Variants in CYP46A1 observed in about 807,000 individuals in gnomAD.
CYP46A1 encodes cytochrome P450 family 46 subfamily A member 1, also known as cholesterol 24-hydroxylase.
Under a neutral mutation model 63.3 loss-of-function variants are expected in CYP46A1, and 20 were observed. The ratio of observed to expected loss-of-function variants is 0.32; its 90% CI spans 0.22 to 0.46. The LOEUF (loss-of-function observed/expected upper bound fraction) is 0.46, where lower values mean the gene tolerates loss of function less well. Ranked by LOEUF, CYP46A1 falls within the 20% of genes least tolerant of loss-of-function variation. The probability of loss-of-function intolerance (pLI) is 1.00; values close to 1 mark genes in which losing one functional copy is unlikely to be tolerated. For missense variants in CYP46A1, 445 were observed against 670.8 expected (o/e 0.66, Z 3.72); for synonymous variants, 268 against 273.6 (o/e 0.98, Z 0.20).
intron 4 of CYP46A1, 81 bp from the exon 5 acceptor site, chr14:99,699,934 C>CA: frequency 9.6e-7 from 1 of 1,039,986 alleles, no homozygotes; most frequent in Non-Finnish European, 1.4e-6. Context: ...TTCCTCATCC[C>CA]AAAATATGAC....
chr14:99,726,700 G>A lies in CYP46A1; in HGVS notation c.1476G>A (p.Gln492=). ...VLCTLRPRGW[Q]PAPPPPPC is the part of the protein sequence containing the mutation. ...GCACCCTGCGGCCCCGCGGCTGGCA[G>A]CCCGCACCCCCACCACCCCCCTGCT... Residue 492 remains glutamine (Q), a synonymous_variant, in exon 15 of 15, where the codon CAG becomes CAA. Transcript: ENST00000261835. 1 of 1,541,568 alleles carries A rather than the reference G, an allele frequency of 6.5e-7. No individual in the cohort carries two copies. Among genetic ancestry groups the A allele is most frequent in the Non-Finnish European group, 8.8e-7 (1 of 1,142,444 alleles).
chr14:99,691,625 C>T, intron 2 of CYP46A1, 155 bp from the exon 3 acceptor site: 2 of 672,832 alleles, frequency 3.0e-6, no homozygotes, highest in African/African-American at 1.8e-5. Flanking sequence ...CAGAGCCTTG[C>T]CCCCAGGGCT....
chr14:99,716,442 T>C (rs1055406714), intron 9 of CYP46A1, among the ~76,000 whole-genome samples: 1 of 152,166 alleles, frequency 6.6e-6, no homozygotes, highest in Non-Finnish European at 1.5e-5. Context: ...TCCAGAGAGC[T>C]TGGCTGTGTG....
Position 99,722,644 on chromosome 14 carries a change from CGTGTGTGTGTGTGTGT to C in CYP46A1, c.1176+598_1176+613del, listed in dbSNP as rs10600179. On this transcript the variant is annotated intron_variant, in intron 12 of 14. Coordinates refer to ENST00000261835, the MANE Select transcript of CYP46A1 (RefSeq NM_006668.2). The surrounding 1 kb of genome is among the most constrained non-coding windows in gnomAD (Gnocchi z 4.6). Reference sequence around the variant, plus strand: ...ATCTGAATTGTGTGTTTGCCATTCCCGTGTGTGTGTGTGTGTGTGTGTGTGTGTGTGTGTGCCTGTG... The same window carrying C: ...ATCTGAATTGTGTGTTTGCCATTCCCGTGTGTGTGTGTGTGTGTGCCTGTG... Among the ~76,000 whole-genome samples, 1 of 142,160 alleles carries C rather than the reference CGTGTGTGTGTGTGTGT, an allele frequency of 7.0e-6. No homozygotes were observed. The highest frequency in any genetic ancestry group is 2.6e-5 in the African/African-American group (1 of 39,128). The allele number at this position is 142,160 out of a possible 152,430, so 93.3% of individuals were successfully genotyped here.
chr14:99,687,988 T>TC (rs2056509544), intron 1 of CYP46A1, among the ~76,000 whole-genome samples: 2 of 148,126 alleles, frequency 1.4e-5, no homozygotes, highest in African/African-American at 5.0e-5. Flanking sequence ...AATGGGTTTT[T>TC]TTTCCCCTTT....
intron 5 of CYP46A1, chr14:99,703,638 C>A: frequency 1.0e-6 from 1 of 985,320 alleles, no homozygotes; most frequent in African/African-American, 1.7e-5. Context: ...TAAGATGTCA[C>A]CTACTGAGGC....
At chr14:99,685,310 T>TC (rs2056483878) in intron 1 of CYP46A1, among the ~76,000 whole-genome samples, 3 of 12,624 alleles carry the variant, frequency 2.4e-4, no homozygotes, top group Middle Eastern at 0.05. Flanking sequence ...AGCCTCCCCC[T>TC]CCCCCCGCCC....
At chr14:99,688,944 G>T (rs2056519913) in intron 1 of CYP46A1, among the ~76,000 whole-genome samples, 1 of 152,106 alleles carries the variant, frequency 6.6e-6, no homozygotes, top group Non-Finnish European at 1.5e-5. Context: ...CAACTCTCCT[G>T]GCTCTCTTCC....
chr14:99,700,021 C>G lies in CYP46A1; in HGVS notation c.363C>G (p.Phe121Leu). The G allele has an allele frequency of 6.7e-7, 1 of 1,486,740 alleles. No homozygotes were observed. The highest frequency in any genetic ancestry group is 9.1e-7 in the Non-Finnish European group (1 of 1,100,922). 92.1% of individuals were successfully genotyped at this position (1,486,740 alleles called of 1,614,324 possible). Residue 121 changes from phenylalanine (F) to leucine (L), a missense_variant, in exon 5 of 15, where the codon TTC becomes TTG. Phe to Leu is a conservative substitution (Grantham distance 22). Transcript: ENST00000261835. Reference protein sequence around the residue: ...ALQTVFGERLFGQGLVSECNY... With the variant: ...ALQTVFGERLLGQGLVSECNY... Reference sequence around the variant, plus strand: ...ACGTGTGTGTCTCCTACAGACTCTTCGGCCAAGGCTTGGTGTCCGAATGCA... The same window carrying G: ...ACGTGTGTGTCTCCTACAGACTCTTGGGCCAAGGCTTGGTGTCCGAATGCA...
intron 2 of CYP46A1, 111 bp from the exon 3 acceptor site, chr14:99,691,669 T>C: frequency 1.0e-6 from 1 of 974,294 alleles, no homozygotes; most frequent in Non-Finnish European, 1.6e-6. Flanking sequence ...TTTGGTAGCA[T>C]GCATTGAGCA....
At chr14:99,720,748 G>A (rs1190271490) in intron 10 of CYP46A1, among the ~76,000 whole-genome samples, 1 of 152,096 alleles carries the variant, frequency 6.6e-6, no homozygotes, top group African/African-American at 2.4e-5. Flanking sequence ...AGTTCCCAGT[G>A]GTTTGGGCAC....
At chr14:99,714,760 CAA>C (rs35534717) in intron 7 of CYP46A1, among the ~76,000 whole-genome samples, 12 of 102,142 alleles carry the variant, frequency 1.2e-4, no homozygotes, top group Admixed American at 3.0e-4. Context: ...AACCCCATCT[CAA>C]AAAAAAAAAA....
chr14:99,710,061 C>G (rs941448957), intron 7 of CYP46A1: 1 of 152,062 alleles, frequency 6.6e-6, no homozygotes, highest in Non-Finnish European at 1.5e-5. Context: ...CTAGACTGGC[C>G]CTACAAGAAA....
intron 5 of CYP46A1, chr14:99,706,257 A>C (rs968078434): frequency 5.9e-6 from 1 of 170,094 alleles, no homozygotes; most frequent in Non-Finnish European, 1.3e-5. Context: ...AGGGCAGGTA[A>C]GGAGAGCAGG....
chr14:99,688,246 C>G (rs1468985113), intron 1 of CYP46A1, among the ~76,000 whole-genome samples: 2 of 152,208 alleles, frequency 1.3e-5, no homozygotes, highest in Admixed American at 6.5e-5. Flanking sequence ...CACAGCCCAT[C>G]TTCCTGCAAG....
chr14:99,701,974 G>C (rs536202832), intron 5 of CYP46A1, among the ~76,000 whole-genome samples: 3 of 149,432 alleles, frequency 2.0e-5, no homozygotes, highest in African/African-American at 7.4e-5. Flanking sequence ...GGAGGCTAAG[G>C]TAGGATAATC....
In CYP46A1 at chr14:99,722,430, C is replaced by T. The variant is rs1478754995; in HGVS notation, c.1176+364C>T. Reference sequence around the variant, plus strand: ...AACTTGTCCTGGTTCCTTCTCTCCTCACGTTTTACAGCCCTTTCTCTCTCG... The same window carrying T: ...AACTTGTCCTGGTTCCTTCTCTCCTTACGTTTTACAGCCCTTTCTCTCTCG... On this transcript the variant is annotated intron_variant, in intron 12 of 14. Coordinates refer to ENST00000261835, the MANE Select transcript of CYP46A1 (RefSeq NM_006668.2). The surrounding 1 kb of genome is among the most constrained non-coding windows in gnomAD (Gnocchi z 4.6). Among the ~76,000 whole-genome samples the T allele has an allele frequency of 1.3e-5, 2 of 152,190 alleles. No homozygotes were observed. Among genetic ancestry groups the T allele is most frequent in the African/African-American group, 4.8e-5 (2 of 41,454 alleles).
chr14:99,694,406 G>C (rs1258999321), intron 3 of CYP46A1, among the ~76,000 whole-genome samples: 1 of 139,902 alleles, frequency 7.1e-6, no homozygotes, highest in African/African-American at 2.6e-5. Context: ...TTCACCAAAA[G>C]GTTTATCAAT....
intron 7 of CYP46A1, 139 bp downstream of exon 7, chr14:99,707,817 C>A: frequency 1.5e-6 from 1 of 673,402 alleles, no homozygotes; most frequent in Non-Finnish European, 2.5e-6. Flanking sequence ...ACTTCTGAAT[C>A]AGGATTTGCA....
Sources: gnomAD v4.1 joint callset for allele counts (sites outside exome capture counted in the v4.1 genomes callset) on GRCh38, gnomAD v4.1.1 for gene constraint, Gnocchi (gnomAD v3.1) non-coding constraint, MANE v1.5 for transcripts, NCBI Gene and HGNC (gene_info 2026-07-23, HGNC 2026-07-21) for gene names.